KL: variants seen among roughly 807,000 people sequenced by gnomAD.
KL encodes the protein klotho.
Under a neutral mutation model 84.2 loss-of-function variants are expected in KL, and 62 were observed. That is an observed-to-expected ratio of 0.74 (90% CI 0.60 to 0.91). KL has a LOEUF of 0.91. Ranked by LOEUF, KL falls within the 40% of genes least tolerant of loss-of-function variation. The pLI is 0.00. For missense variants in KL, 1,261 were observed against 1,305.7 expected, an observed-to-expected ratio of 0.97 and a Z score of 0.53; for synonymous variants, 528 against 528.0, an observed-to-expected ratio of 1.00 and a Z score of 0.00.
At chr13:33,037,794 C>A (rs1416379039) in intron 1 of KL, among the ~76,000 whole-genome samples, 1 of 152,048 alleles carries the variant, frequency 6.6e-6, no homozygotes, top group African/African-American at 2.4e-5. Flanking sequence ...GGGGCAGAAG[C>A]AACCTGTCCC....
chr13:33,062,128 C>T (rs951514608), intron 4 of KL, among the ~76,000 whole-genome samples: 1 of 152,108 alleles, frequency 6.6e-6, no homozygotes, highest in Non-Finnish European at 1.5e-5. Flanking sequence ...CCTGTAATCC[C>T]AGCATTTTGG....
In KL at chr13:33,053,752, T is replaced by C. The variant is rs1195210837; in HGVS notation, c.820-15T>C. On this transcript the variant is annotated splice_polypyrimidine_tract_variant and intron_variant, in intron 1 of 4. Transcript: ENST00000380099. ...ACAACTAGAGATAAATTTGCCATGG[T>C]TTTTCTCTTCATAGGCTCATGCCAA... 6.2e-7 allele frequency: 1 copy of C among 1,613,722 alleles called. No individual in the cohort carries two copies. The highest frequency in any genetic ancestry group is 1.1e-5 in the South Asian group (1 of 91,042).
At chr13:33,036,142 G>A (rs939482137) in intron 1 of KL, among the ~76,000 whole-genome samples, 3 of 152,006 alleles carry the variant, frequency 2.0e-5, no homozygotes, top group Admixed American at 1.3e-4. Flanking sequence ...CTCAAGTTTG[G>A]TTATATTTGT....
intron 2 of KL, 118 bp from the exon 3 acceptor site, chr13:33,054,929 C>T: frequency 1.5e-6 from 2 of 1,304,986 alleles, no homozygotes; most frequent in Non-Finnish European, 2.2e-6. Context: ...CATTGGCTTA[C>T]CAAACGAGAA....
rs191906620 is a variant in KL at position 33,027,726 on chromosome 13, T to C, written c.819+10467T>C. Reference sequence around the variant, plus strand: ...TACTGCTGTTGAAATATTTAGCAATTGAAGCACCATTTGTGCAAGGGGACT... The same window carrying C: ...TACTGCTGTTGAAATATTTAGCAATCGAAGCACCATTTGTGCAAGGGGACT... On this transcript the variant is annotated intron_variant, in intron 1 of 4. Transcript: ENST00000380099. Among the ~76,000 whole-genome samples, 4 of 152,230 alleles carry C rather than the reference T, an allele frequency of 2.6e-5. No homozygotes were observed. In the East Asian group the frequency reaches 5.8e-4, roughly 22 times the overall value.
intron 1 of KL, among the ~76,000 whole-genome samples, chr13:33,023,473 C>T (rs1870645904): frequency 6.6e-6 from 1 of 152,142 alleles, no homozygotes; most frequent in Non-Finnish European, 1.5e-5. Context: ...ACTTAATTTG[C>T]CTCTTCTTTG....
chr13:33,034,824 A>C (rs1173061774), intron 1 of KL, among the ~76,000 whole-genome samples: 1 of 152,210 alleles, frequency 6.6e-6, no homozygotes, highest in African/African-American at 2.4e-5. Context: ...CTCCACTTAG[A>C]CCAGTGAGTT....
At chr13:33,049,974 C>T (rs935212922) in intron 1 of KL, among the ~76,000 whole-genome samples, 2 of 152,196 alleles carry the variant, frequency 1.3e-5, no homozygotes, top group Non-Finnish European at 2.9e-5. Flanking sequence ...TGCTACTAAA[C>T]TCTACTTGCT....
intron 1 of KL, among the ~76,000 whole-genome samples, chr13:33,033,135 A>G (rs905992204): frequency 2.0e-5 from 3 of 152,188 alleles, no homozygotes; most frequent in Admixed American, 1.3e-4. Flanking sequence ...TTCAATTCAG[A>G]TCTCTCTTTT....
At chr13:33,050,456 T>C (rs1871701699) in intron 1 of KL, among the ~76,000 whole-genome samples, 1 of 152,186 alleles carries the variant, frequency 6.6e-6, no homozygotes, top group South Asian at 2.1e-4. Context: ...GTGGTGAAGC[T>C]GGTTCAACTC....
rs989045838 is a variant in KL, at chr13:33,064,994, C to T, written c.*808C>T. 1.6e-4 allele frequency: 37 copies of T among 227,780 alleles called. No homozygotes were observed. Among genetic ancestry groups the T allele is most frequent in the African/African-American group, 7.6e-4 (34 of 44,998 alleles). 14.1% of individuals were successfully genotyped at this position (227,780 alleles called of 1,614,324 possible). A position where few individuals can be genotyped will look rare whatever the true frequency, so the allele number is the denominator to read the frequency against. On this transcript the variant is annotated 3_prime_UTR_variant, in exon 5 of 5. Transcript: ENST00000380099. ...TAAAGCAATTGTGAAATACAGTATA[C>T]CGCAGTGGCTCTAGGTGGAGGAAAG...
chr13:33,016,956 C>A lies in KL; in HGVS notation c.516C>A (p.Tyr172Ter). The A allele has an allele frequency of 6.2e-7, 1 of 1,603,170 alleles. No homozygotes were observed. The highest frequency in any genetic ancestry group is 8.5e-7 in the Non-Finnish European group (1 of 1,176,554). The change falls in exon 1 of 5, where the codon TAC becomes TAA. Residue 172 changes from tyrosine to a stop codon, truncating the protein, a stop_gained. Transcript: ENST00000380099. LOFTEE classifies it high-confidence loss of function. ...AGVPNREGLRYYRRLLERLRE... is the reference protein window; with the variant it reads ...AGVPNREGLR ...TCCCCAACCGCGAGGGGCTGCGCTA[C>A]TACCGGCGCCTGCTGGAGCGGCTGC...
chr13:33,055,175 ATGT>A lies in KL; in HGVS notation c.1465_1467del (p.Leu489del), dbSNP rs777919048. On this transcript the variant is annotated inframe_deletion, in exon 3 of 5. Coordinates refer to ENST00000380099, the MANE Select transcript of KL (RefSeq NM_004795.4). ...TGTTGACTTTCTAAGCCAGGACAAG[ATGT>A]TGTTGCCAAAGTCTTCAGCCTTGTT... is the stretch of plus-strand genomic sequence containing the variant. 10 of 1,614,096 alleles carry A rather than the reference ATGT, an allele frequency of 6.2e-6. No homozygotes were observed. In the Admixed American group the frequency reaches 6.7e-5, roughly 11 times the overall value.
Position 33,053,986 on chromosome 13 carries a change from T to C in KL, c.1039T>C (p.Ser347Pro). 6.2e-7 allele frequency: 1 copy of C among 1,613,960 alleles called. No homozygotes were observed. The highest frequency in any genetic ancestry group is 1.1e-5 in the South Asian group (1 of 91,062). Residue 347 changes from serine to proline, a missense_variant, in exon 2 of 5, where the codon TCT (serine) becomes CCT (proline). Transcript: ENST00000380099. ...YPESMKNNLSSILPDFTESEK... is the reference protein window; with the variant it reads ...YPESMKNNLSPILPDFTESEK... ...CGAGAGCATGAAGAATAACCTTTCA[T>C]CTATTCTGCCTGATTTTACTGAATC...
Position 33,061,739 on chromosome 13 carries a change from G to A in KL, c.2660G>A (p.Arg887Lys), listed in dbSNP as rs1355151393. The A allele has an allele frequency of 5.0e-6, 8 of 1,613,960 alleles. No individual in the cohort carries two copies. The highest frequency in any genetic ancestry group is 3.3e-5 in the Admixed American group (2 of 59,996). ...CTGCATGCTGAGGACGACCAGCTGA[G>A]GGTGTATTATATGCAGAATTACATA... ...DGLHAEDDQL[R>K]VYYMQNYINE... Residue 887 changes from arginine to lysine, a missense_variant, in exon 4 of 5, where the codon AGG becomes AAG. Arg to Lys is a conservative substitution (Grantham distance 26, BLOSUM62 2). Coordinates refer to ENST00000380099, the MANE Select transcript of KL (RefSeq NM_004795.4).
At chr13:33,061,888 G>A in intron 4 of KL, 108 bp downstream of exon 4, 1 of 1,179,126 alleles carries the variant, frequency 8.5e-7, no homozygotes, top group African/African-American at 1.5e-5. Flanking sequence ...GGAATGGAGG[G>A]CTATCCATTT....
At chr13:33,056,663 G>A (rs914535342) in intron 3 of KL, among the ~76,000 whole-genome samples, 1 of 150,714 alleles carries the variant, frequency 6.6e-6, no homozygotes. Context: ...AAAATTATCC[G>A]GGTGTGGTGG....
Position 33,061,493 on chromosome 13 carries a change from C to T in KL, c.2414C>T (p.Ala805Val). 6.2e-7 allele frequency: 1 copy of T among 1,614,162 alleles called. No individual in the cohort carries two copies. The highest frequency in any genetic ancestry group is 8.5e-7 in the Non-Finnish European group (1 of 1,180,018). ...KLIQGTFDFL[A>V]LSHYTTILVD... ...ATCCAGGGTACCTTTGACTTTTTGG[C>T]TTTAAGCCATTATACCACCATCCTT... Residue 805 changes from alanine to valine, a missense_variant, in exon 4 of 5, where the codon GCT (alanine) becomes GTT (valine). By Grantham distance (64) the Ala-to-Val change is moderately conservative. Transcript: ENST00000380099.
chr13:33,031,613 C>T (rs1870975687), intron 1 of KL, among the ~76,000 whole-genome samples: 1 of 152,104 alleles, frequency 6.6e-6, no homozygotes, highest in Non-Finnish European at 1.5e-5. Context: ...TAAGAACAGA[C>T]ATTTCGGAAA....
Sources: gnomAD v4.1 joint callset for allele counts (sites outside exome capture counted in the v4.1 genomes callset) on GRCh38, gnomAD v4.1.1 for gene constraint, MANE v1.5 for transcripts, NCBI Gene and HGNC (gene_info 2026-07-23, HGNC 2026-07-21) for gene names.